The following SPTB variants were observed in gnomAD, a reference collection of about 807,000 sequenced individuals.
The protein encoded by SPTB is spectrin beta, erythrocytic, also known as spectrin beta chain, erythrocytic.
Under a neutral mutation model 256.2 loss-of-function variants are expected in SPTB, and 45 were observed. The observed-to-expected ratio is 0.18, with a 90% confidence interval of 0.14 to 0.23. The LOEUF (loss-of-function observed/expected upper bound fraction) is 0.23, where lower values mean the gene tolerates loss of function less well. Among genes scored for constraint, SPTB ranks in the 10% least tolerant of loss-of-function variants. The pLI, the probability that SPTB is intolerant of heterozygous loss-of-function variation, is 1.00. For synonymous variants in SPTB, 1,231 were observed against 1,243.1 expected (o/e 0.99, Z 0.21); for missense variants, 2,715 against 3,040.4 (o/e 0.89, Z 2.52).
At chr14:64,879,673 C>G (rs940817225) in intron 1 of SPTB, 119 bp downstream of exon 1, 5 of 152,308 alleles carry the variant, frequency 3.3e-5, no homozygotes, top group African/African-American at 1.2e-4. Context: ...ACCCGGTCCT[C>G]TGGGCCCTGC....
At chr14:64,814,604 C>G (rs2083154869) in intron 2 of SPTB, among the ~76,000 whole-genome samples, 1 of 152,176 alleles carries the variant, frequency 6.6e-6, no homozygotes. Flanking sequence ...TAACCTTTGC[C>G]TCCTGGGTTC....
chr14:64,780,392 C>T (rs889330768), intron 20 of SPTB, among the ~76,000 whole-genome samples: 1 of 152,200 alleles, frequency 6.6e-6, no homozygotes, highest in African/African-American at 2.4e-5. Context: ...TAATGACATT[C>T]TTCAAAGAAC....
intron 1 of SPTB, among the ~76,000 whole-genome samples, chr14:64,878,953 A>G (rs1594868597): frequency 1.3e-5 from 2 of 152,098 alleles, no homozygotes; most frequent in African/African-American, 4.8e-5. Flanking sequence ...GGGAAACAGC[A>G]CTCCAGCCCC....
intron 20 of SPTB, 84 bp downstream of exon 20, chr14:64,782,206 C>G: frequency 6.2e-7 from 1 of 1,600,776 alleles, no homozygotes; most frequent in South Asian, 1.1e-5. Context: ...TACCCCCAAA[C>G]CTAAAATTAA....
Position 64,823,190 on chromosome 14 carries a change from C to T in SPTB, c.-51-45G>A, listed in dbSNP as rs897317142. On this transcript the variant is annotated intron_variant, in intron 1 of 35. Coordinates refer to ENST00000644917, the MANE Select transcript of SPTB (RefSeq NM_001355436.2). This position sits in a 1 kb window ranked among gnomAD's most constrained non-coding sequence, Gnocchi z 6.5. ...TCAGAGGGTTATCTCTCTACCCCCT[C>T]GGACTTTTTCTCCGGGGAAACTTAT... is the stretch of plus-strand genomic sequence containing the variant. 40 of 1,488,952 alleles carry T rather than the reference C, an allele frequency of 2.7e-5. No individual in the cohort carries two copies. The highest frequency in any genetic ancestry group is 5.7e-5 in the South Asian group (5 of 87,506). The allele number at this position is 1,488,952 out of a possible 1,614,324, so 92.2% of individuals were successfully genotyped here.
intron 1 of SPTB, among the ~76,000 whole-genome samples, chr14:64,839,004 G>A (rs899411147): frequency 3.3e-5 from 5 of 152,146 alleles, no homozygotes; most frequent in African/African-American, 9.6e-5. Flanking sequence ...GTAGTGGCGG[G>A]TGCCTGTAAT....
intron 2 of SPTB, among the ~76,000 whole-genome samples, chr14:64,812,004 C>G (rs2083098642): frequency 6.6e-6 from 1 of 152,038 alleles, no homozygotes; most frequent in Non-Finnish European, 1.5e-5. Flanking sequence ...TATTCATACA[C>G]TGGTAAAAAA....
chr14:64,803,176 T>C (rs968381894), intron 4 of SPTB, among the ~76,000 whole-genome samples: 1 of 152,158 alleles, frequency 6.6e-6, no homozygotes, highest in African/African-American at 2.4e-5. Context: ...TAAATTTCCT[T>C]ACAAATAATC....
At chr14:64,813,790 T>G (rs766965320) in intron 2 of SPTB, among the ~76,000 whole-genome samples, 1 of 152,204 alleles carries the variant, frequency 6.6e-6, no homozygotes, top group Non-Finnish European at 1.5e-5. Context: ...CCTCCAAAAG[T>G]GCCTGGATTA....
intron 26 of SPTB, among the ~76,000 whole-genome samples, chr14:64,771,552 C>T (rs566731609): frequency 1.3e-5 from 2 of 152,128 alleles, no homozygotes; most frequent in South Asian, 4.1e-4. Context: ...GTCCAGGGTC[C>T]TTCACACTAG....
chr14:64,746,548 G>A lies in SPTB; in HGVS notation c.*2758C>T, dbSNP rs1320093183. The A allele has an allele frequency of 6.6e-6, 1 of 152,614 alleles. No homozygotes were observed. Among genetic ancestry groups the A allele is most frequent in the East Asian group, 1.9e-4 (1 of 5,188 alleles). 9.5% of individuals were successfully genotyped at this position (152,614 alleles called of 1,614,324 possible). On this transcript the variant is annotated 3_prime_UTR_variant, in exon 36 of 36. Coordinates refer to ENST00000644917, the MANE Select transcript of SPTB (RefSeq NM_001355436.2). The surrounding 1 kb of genome is among the most constrained non-coding windows in gnomAD (Gnocchi z 4.9). Reference sequence around the variant, plus strand: ...TGCCCCCCTCCCATGAAGGGAGGAAGAGGATTCAGGGTCAGCCTAGGGGAC... The same window carrying A: ...TGCCCCCCTCCCATGAAGGGAGGAAAAGGATTCAGGGTCAGCCTAGGGGAC...
In SPTB at chr14:64,853,222, T is replaced by A. The variant is rs966022282; in HGVS notation, c.-52+26570A>T. Among the ~76,000 whole-genome samples the A allele has an allele frequency of 6.6e-5, 10 of 152,082 alleles. No homozygotes were observed. Among genetic ancestry groups the A allele is most frequent in the African/African-American group, 2.2e-4 (9 of 41,400 alleles). ...CAAGTCCTGAACCTGTGGAAATGAA[T>A]GGCTGGAGACCAGAGAAATTTAGAG... On this transcript the variant is annotated intron_variant, in intron 1 of 35. Coordinates refer to ENST00000644917, the MANE Select transcript of SPTB (RefSeq NM_001355436.2). This position sits in a 1 kb window ranked among gnomAD's most constrained non-coding sequence, Gnocchi z 4.3.
intron 32 of SPTB, among the ~76,000 whole-genome samples, chr14:64,763,032 G>A (rs112537346): frequency 2.6e-5 from 4 of 152,362 alleles, no homozygotes; most frequent in African/African-American, 7.2e-5. Context: ...CAGTGGACAG[G>A]AAGATGCGCA....
intron 4 of SPTB, among the ~76,000 whole-genome samples, chr14:64,803,315 G>C (rs1216477313): frequency 6.6e-6 from 1 of 152,102 alleles, no homozygotes; most frequent in Non-Finnish European, 1.5e-5. Flanking sequence ...TATAGGGGGA[G>C]GAGGCTAAAA....
At chr14:64,831,616 C>T (rs1358646918) in intron 1 of SPTB, among the ~76,000 whole-genome samples, 1 of 152,206 alleles carries the variant, frequency 6.6e-6, no homozygotes, top group African/African-American at 2.4e-5. Flanking sequence ...GCCATTCTGG[C>T]GGGCTGTCTG....
In SPTB at chr14:64,758,783, G is replaced by A. The variant is rs529326558; in HGVS notation, c.6346-4990C>T. Among the ~76,000 whole-genome samples the A allele has an allele frequency of 3.3e-5, 5 of 152,322 alleles. No homozygotes were observed. The highest frequency in any genetic ancestry group is 4.1e-4 in the South Asian group (2 of 4,830). On this transcript the variant is annotated intron_variant, in intron 32 of 35. Coordinates refer to ENST00000644917, the MANE Select transcript of SPTB (RefSeq NM_001355436.2). The surrounding 1 kb of genome is among the most constrained non-coding windows in gnomAD (Gnocchi z 4.6). The stretch of plus-strand genomic sequence containing the variant: ...TGCTGCTGGCAGGCTCCTTGCTCAC[G>A]GGGGAGGAGGGGTGTGGGAGCCTGA...
In SPTB at chr14:64,772,441, C is replaced by A; in HGVS notation, c.5553+139G>T. ...AACATCTGAAAGCCACTGCTCCCAG[C>A]CCTGAGCTCCTGGCTGTCTAAGGAG... On this transcript the variant is annotated intron_variant, in intron 26 of 35. Coordinates refer to ENST00000644917, the MANE Select transcript of SPTB (RefSeq NM_001355436.2). This position sits in a 1 kb window ranked among gnomAD's most constrained non-coding sequence, Gnocchi z 5.4. The A allele has an allele frequency of 8.4e-7, 1 of 1,186,832 alleles. No individual in the cohort carries two copies. Among genetic ancestry groups the A allele is most frequent in the Non-Finnish European group, 1.2e-6 (1 of 859,144 alleles). The allele number at this position is 1,186,832 out of a possible 1,614,324, so 73.5% of individuals were successfully genotyped here.
Position 64,816,110 on chromosome 14 carries a change from C to T in SPTB, c.148+6837G>A, listed in dbSNP as rs1024532279. Among the ~76,000 whole-genome samples the T allele has an allele frequency of 6.6e-6, 1 of 152,242 alleles. No individual in the cohort carries two copies. Among genetic ancestry groups the T allele is most frequent in the Middle Eastern group, 3.4e-3 (1 of 294 alleles). ...CGAGCCCTAAAAACCCAAATCTAAC[C>T]GTGTCATTTCCCTGCTGAAAGTACT... is the stretch of plus-strand genomic sequence containing the variant. On this transcript the variant is annotated intron_variant, in intron 2 of 35. Coordinates refer to ENST00000644917, the MANE Select transcript of SPTB (RefSeq NM_001355436.2). The surrounding 1 kb of genome is among the most constrained non-coding windows in gnomAD (Gnocchi z 4.2).
intron 7 of SPTB, among the ~76,000 whole-genome samples, chr14:64,801,071 C>T (rs916113472): frequency 3.3e-5 from 5 of 152,234 alleles, no homozygotes; most frequent in Non-Finnish European, 5.9e-5. Flanking sequence ...ATCCAAAGTC[C>T]ATCTCCAAAC....
Sources: allele counts gnomAD v4.1 joint callset (sites outside exome capture counted in the v4.1 genomes callset), GRCh38; gene constraint gnomAD v4.1.1; non-coding constraint Gnocchi (gnomAD v3.1); transcripts MANE v1.5; gene names NCBI Gene and HGNC (gene_info 2026-07-23, HGNC 2026-07-21).